The following BTNL8 variants were observed in gnomAD, a reference collection of about 807,000 sequenced individuals.
BTNL8 encodes butyrophilin-like protein 8.
A neutral mutation model predicts 36.1 loss-of-function variants in BTNL8; 22 were observed. The ratio of observed to expected loss-of-function variants is 0.61; its 90% confidence interval spans 0.44 to 0.87. BTNL8 has a LOEUF of 0.87. Ranked by LOEUF, BTNL8 falls within the 40% of genes least tolerant of loss-of-function variation. BTNL8 has a pLI of 0.00. For synonymous variants in BTNL8, 203 were observed against 235.6 expected (o/e 0.86, Z 1.27); for missense variants, 526 against 616.9 (o/e 0.85, Z 1.56).
At chr5:180,902,272 A>G (rs1352123078) in intron 1 of BTNL8, 1 of 1,371,370 alleles carries the variant, frequency 7.3e-7, no homozygotes, top group Non-Finnish European at 1.0e-6. Context: ...ACATTCAGAA[A>G]GAGACTTTTT....
intron 1 of BTNL8, among the ~76,000 whole-genome samples, chr5:180,904,911 TG>T (rs1757011753): frequency 6.6e-6 from 1 of 152,042 alleles, no homozygotes; most frequent in African/African-American, 2.4e-5. Flanking sequence ...TTTGATGTGC[TG>T]CTGGATTCAG....
At position 180,935,775 on chromosome 5, in the gene BTNL8, C is replaced by T. The variant is rs189703658; in HGVS notation, c.674-11737C>T. ...GGCTCCATGGAGCACATGGCCCCAGCCACACCTCCCCTGCTGCAGCCAGCA... is the reference window on the plus strand; with the variant it reads ...GGCTCCATGGAGCACATGGCCCCAGTCACACCTCCCCTGCTGCAGCCAGCA... On this transcript the variant is annotated intron_variant, in intron 3 of 7. Transcript: ENST00000340184. This position sits in a 1 kb window ranked among gnomAD's most constrained non-coding sequence, Gnocchi z 4.8. Among the ~76,000 whole-genome samples, 84 of 152,132 alleles carry T rather than the reference C, an allele frequency of 5.5e-4. 1 individual carries two copies. In the East Asian group the frequency reaches 0.014, roughly 25 times the overall value.
In BTNL8 at chr5:180,899,273, C is replaced by G; in HGVS notation, c.-38C>G. The G allele has an allele frequency of 6.2e-7, 1 of 1,610,230 alleles. No homozygotes were observed. The highest frequency in any genetic ancestry group is 8.5e-7 in the Non-Finnish European group (1 of 1,176,460). ...TCCATCCGTCACCTCTCCTGTCATC[C>G]GTTTCCATGCCGTGAGGTCCATTCA... On this transcript the variant is annotated 5_prime_UTR_variant, in exon 1 of 8. Transcript: ENST00000340184.
intron 3 of BTNL8, among the ~76,000 whole-genome samples, chr5:180,943,734 T>C (rs1473576049): frequency 6.6e-6 from 1 of 152,150 alleles, no homozygotes; most frequent in Non-Finnish European, 1.5e-5. Flanking sequence ...GCAATCAAAG[T>C]ACTGAGTATA....
chr5:180,928,302 C>A (rs894575219), intron 3 of BTNL8, among the ~76,000 whole-genome samples: 2 of 152,138 alleles, frequency 1.3e-5, no homozygotes, highest in African/African-American at 4.8e-5. Flanking sequence ...TTTGTCACCA[C>A]CAGACCTGCC....
At chr5:180,915,357 A>T (rs781535645) in intron 3 of BTNL8, among the ~76,000 whole-genome samples, 2 of 152,258 alleles carry the variant, frequency 1.3e-5, no homozygotes, top group Non-Finnish European at 2.9e-5. Flanking sequence ...GATAGCAATC[A>T]GCTTGACTCT....
At chr5:180,942,558 A>G (rs895717411) in intron 3 of BTNL8, among the ~76,000 whole-genome samples, 4 of 152,222 alleles carry the variant, frequency 2.6e-5, no homozygotes, top group African/African-American at 9.6e-5. Flanking sequence ...AAAGCATGCT[A>G]GCCAAGACAG....
rs769176293 is a variant in BTNL8 at position 180,908,753 on chromosome 5, C to T, written c.217C>T (p.Gln73Ter). ...CCACCTCTACAGGGACGGGAAGGAC[C>T]AGCCATTTATGCAGATGCCACAGTA... ...VVHLYRDGKD[Q>*]PFMQMPQYQG... The change falls in exon 2 of 8, where the codon CAG (glutamine) becomes TAG (stop). Residue 73 changes from glutamine to a stop codon, truncating the protein, a stop_gained. Transcript: ENST00000340184. LOFTEE classifies it high-confidence loss of function. 6.8e-6 allele frequency: 11 copies of T among 1,614,046 alleles called. No individual in the cohort carries two copies. The highest frequency in any genetic ancestry group is 9.3e-6 in the Non-Finnish European group (11 of 1,180,042).
intron 3 of BTNL8, among the ~76,000 whole-genome samples, chr5:180,924,319 C>T (rs779748420): frequency 2.0e-5 from 3 of 152,230 alleles, no homozygotes; most frequent in Non-Finnish European, 4.4e-5. Flanking sequence ...AGTCCACACA[C>T]ATCTGTGGAG....
chr5:180,940,852 G>A (rs1758893534), intron 3 of BTNL8, among the ~76,000 whole-genome samples: 1 of 152,070 alleles, frequency 6.6e-6, no homozygotes, highest in African/African-American at 2.4e-5. Flanking sequence ...AATCACTTGA[G>A]GTCAGGAGCT....
At chr5:180,905,029 T>G (rs1311024286) in intron 1 of BTNL8, among the ~76,000 whole-genome samples, 1 of 150,660 alleles carries the variant, frequency 6.6e-6, no homozygotes, top group East Asian at 2.0e-4. Flanking sequence ...ATCAGAATGA[T>G]GCTAGCCTCA....
At chr5:180,947,719 T>G in intron 4 of BTNL8, 94 bp downstream of exon 4, 1 of 1,614,250 alleles carries the variant, frequency 6.2e-7, no homozygotes, top group South Asian at 1.1e-5. Context: ...GCTTCTCTTC[T>G]TCTAGTCCTA....
In BTNL8 at chr5:180,899,231, TCTC is replaced by T. The variant is rs1258676234; in HGVS notation, c.-76_-74del. The T allele has an allele frequency of 3.2e-6, 5 of 1,548,222 alleles. No individual in the cohort carries two copies. The highest frequency in any genetic ancestry group is 2.2e-5 in the East Asian group (1 of 44,540). ...TCCGCACCTTGAGCATTAGGCCAGT[TCTC>T]CTCTTCTCTCTAATCCATCCGTCAC... On this transcript the variant is annotated 5_prime_UTR_variant, in exon 1 of 8. Coordinates refer to ENST00000340184, the MANE Select transcript of BTNL8 (RefSeq NM_001040462.3).
rs188980952 is a variant in BTNL8, at chr5:180,931,438, C to T, written c.674-16074C>T. ...ACTAAAACACTAAAAGCAAGGGCAA[C>T]AAAAGCCAAAATTGACAAGTGGGAT... is the stretch of plus-strand genomic sequence containing the variant. On this transcript the variant is annotated intron_variant, in intron 3 of 7. Transcript: ENST00000340184. Among the ~76,000 whole-genome samples the T allele has an allele frequency of 1.2e-3, 187 of 152,164 alleles. 2 individuals are homozygous for T. The highest frequency in any genetic ancestry group is 4.3e-3 in the African/African-American group (177 of 41,516).
chr5:180,908,548 G>A (rs1403406722), intron 1 of BTNL8, 38 bp from the exon 2 acceptor site: 1 of 1,598,444 alleles, frequency 6.3e-7, no homozygotes, highest in Admixed American at 1.7e-5. Flanking sequence ...TCACTACAAA[G>A]GGTTTTGATG....
At chr5:180,911,978 C>T (rs1757420273) in intron 3 of BTNL8, among the ~76,000 whole-genome samples, 2 of 152,162 alleles carry the variant, frequency 1.3e-5, no homozygotes, top group South Asian at 2.1e-4. Context: ...AATTGGTAAA[C>T]TGAGTAAAGA....
intron 3 of BTNL8, among the ~76,000 whole-genome samples, chr5:180,915,255 C>T (rs944079369): frequency 1.3e-5 from 2 of 152,238 alleles, no homozygotes; most frequent in Non-Finnish European, 2.9e-5. Flanking sequence ...GCTAGAACCT[C>T]TTGGTCCATC....
In BTNL8 at chr5:180,950,102, G is replaced by A. The variant is rs141157357; in HGVS notation, c.1061G>A (p.Arg354His). ...EVDGGHNKRW[R>H]VGVCRDDVDR... is the part of the protein sequence containing the mutation. ...GACGGAGGACACAATAAAAGGTGGCGCGTGGGAGTGTGCCGGGATGATGTG... is the reference window on the plus strand; with the variant it reads ...GACGGAGGACACAATAAAAGGTGGCACGTGGGAGTGTGCCGGGATGATGTG... The change falls in exon 8 of 8, where the codon CGC (arginine) becomes CAC (histidine). Residue 354 changes from arginine (R) to histidine (H), a missense_variant. Arg to His is a conservative substitution (Grantham distance 29). Around this residue, in one of 2 missense-constraint regions of BTNL8, gnomAD observed 176 missense variants for 292.3 expected, o/e 0.60. Transcript: ENST00000340184. 2.5e-4 allele frequency: 362 copies of A among 1,462,936 alleles called. 60 individuals carry two copies. The African/African-American group carries it at 3.0e-3, about 12-fold the overall frequency. The allele number at this position is 1,462,936 out of a possible 1,614,324, so 90.6% of individuals were successfully genotyped here.
chr5:180,903,281 T>G lies in BTNL8; in HGVS notation c.49+3922T>G, dbSNP rs1243273679. Among the ~76,000 whole-genome samples, 24 of 118,566 alleles carry G rather than the reference T, an allele frequency of 2.0e-4. 5 individuals carry two copies. The highest frequency in any genetic ancestry group is 8.2e-4 in the African/African-American group (19 of 23,174). 77.8% of individuals were successfully genotyped at this position (118,566 alleles called of 152,430 possible). On this transcript the variant is annotated intron_variant, in intron 1 of 7. Coordinates refer to ENST00000340184, the MANE Select transcript of BTNL8 (RefSeq NM_001040462.3). ...GCATTTCTCTGATGGCCAGTGATGA[T>G]GAACATTTTTTCATGTGTTTTTTGG... is the stretch of plus-strand genomic sequence containing the variant.
Sources: gnomAD v4.1 joint callset for allele counts (sites outside exome capture counted in the v4.1 genomes callset) on GRCh38, gnomAD v4.1.1 for gene constraint, gnomAD v4.1.1 regional missense constraint, Gnocchi (gnomAD v3.1) non-coding constraint, MANE v1.5 for transcripts, NCBI Gene and HGNC (gene_info 2026-07-23, HGNC 2026-07-21) for gene names.